The following KLHL7 variants were observed in gnomAD, a reference collection of about 807,000 sequenced individuals.
The protein encoded by KLHL7 is kelch-like protein 7.
A neutral mutation model predicts 67.4 loss-of-function variants in KLHL7; 44 were observed. The observed-to-expected ratio is 0.65, with a 90% CI of 0.51 to 0.84. The LOEUF (loss-of-function observed/expected upper bound fraction) is 0.84, where lower values mean the gene tolerates loss of function less well. Ranked by LOEUF, KLHL7 falls within the 40% of genes least tolerant of loss-of-function variation. The pLI is 0.00. For synonymous variants in KLHL7, 252 were observed against 243.3 expected, an observed-to-expected ratio of 1.04 and a Z score of -0.33; for missense variants, 362 against 718.1, an observed-to-expected ratio of 0.50 and a Z score of 5.67.
At chr7:23,155,920 G>A in intron 7 of KLHL7, 1 of 328,126 alleles carries the variant, frequency 3.0e-6, no homozygotes, top group South Asian at 2.1e-5. Context: ...AGGCAAATGT[G>A]GGATGACTCT....
chr7:23,149,302 A>G (rs1041598356), intron 6 of KLHL7, among the ~76,000 whole-genome samples: 2 of 151,928 alleles, frequency 1.3e-5, no homozygotes, highest in South Asian at 2.1e-4. Flanking sequence ...CTTGGGGAGG[A>G]AAAAAAAGGC....
At chr7:23,151,947 A>G (rs781152259) in intron 6 of KLHL7, 120 bp from the exon 7 acceptor site, 28 of 904,198 alleles carry the variant, frequency 3.1e-5, no homozygotes, top group Non-Finnish European at 4.3e-5. Context: ...CTCAAATGCT[A>G]TAGAGATATC....
At position 23,174,175 on chromosome 7, in the gene KLHL7, C is replaced by T. The variant is rs202172968; in HGVS notation, c.1638C>T (p.Leu546=). 2.3e-4 allele frequency: 372 copies of T among 1,614,010 alleles called. No homozygotes were observed. The highest frequency in any genetic ancestry group is 2.9e-4 in the Non-Finnish European group (337 of 1,180,012). ...FQGVGRLGHI[L]EYNTETDKWV... ...GTGTTGGTCGATTAGGACACATTCT[C>T]GAATATAATACCGAAACAGACAAAT... Residue 546 remains leucine, a synonymous_variant, in exon 11 of 11, where the codon CTC becomes CTT. Transcript: ENST00000339077.
intron 9 of KLHL7, among the ~76,000 whole-genome samples, chr7:23,170,074 C>T (rs1180924455): frequency 2.0e-5 from 3 of 151,870 alleles, no homozygotes; most frequent in South Asian, 2.1e-4. Flanking sequence ...ATTAGCCGGG[C>T]GTGGTGGCGC....
rs1785277382 is a variant in KLHL7, at chr7:23,175,491, C to A, written c.*1193C>A. On this transcript the variant is annotated 3_prime_UTR_variant, in exon 11 of 11. Coordinates refer to ENST00000339077, the MANE Select transcript of KLHL7 (RefSeq NM_001031710.3). Reference sequence around the variant, plus strand: ...TTTTAGAATTTGTGAACCAGTGTCTCTTAATTTTCAGTTTTCTTTATATAG... The same window carrying A: ...TTTTAGAATTTGTGAACCAGTGTCTATTAATTTTCAGTTTTCTTTATATAG... 1 of 377,102 alleles carries A rather than the reference C, an allele frequency of 2.7e-6. No individual in the cohort carries two copies. The highest frequency in any genetic ancestry group is 2.1e-5 in the African/African-American group (1 of 47,014). The allele number at this position is 377,102 out of a possible 1,614,324, so 23.4% of individuals were successfully genotyped here.
At chr7:23,135,456 A>G (rs1198782752) in intron 4 of KLHL7, among the ~76,000 whole-genome samples, 3 of 152,204 alleles carry the variant, frequency 2.0e-5, no homozygotes, top group Non-Finnish European at 2.9e-5. Context: ...CATTTGGTCT[A>G]TAGTGCAGAT....
At chr7:23,163,017 A>G (rs1687143964) in intron 7 of KLHL7, among the ~76,000 whole-genome samples, 1 of 152,168 alleles carries the variant, frequency 6.6e-6, no homozygotes, top group Admixed American at 6.5e-5. Flanking sequence ...CCTTTTTACT[A>G]CAGTATTTCT....
At chr7:23,111,711 A>G (rs12539331) in intron 1 of KLHL7, among the ~76,000 whole-genome samples, 53,140 of 150,932 alleles carry the variant, frequency 0.35, 9,571 homozygotes, top group Middle Eastern at 0.39. Context: ...AGTCCAAGCT[A>G]CTCAGAAGAC....
intron 1 of KLHL7, 35 bp downstream of exon 1, chr7:23,106,181 G>C (rs757246230): frequency 6.2e-7 from 1 of 1,603,826 alleles, no homozygotes; most frequent in South Asian, 1.1e-5. Flanking sequence ...ACGACGGTGG[G>C]AGGTGGTCCG....
intron 1 of KLHL7, among the ~76,000 whole-genome samples, chr7:23,118,591 A>G (rs1340102457): frequency 6.6e-6 from 1 of 152,228 alleles, no homozygotes; most frequent in Non-Finnish European, 1.5e-5. Context: ...TCACTCTTCC[A>G]CATGTGATGG....
chr7:23,138,484 A>G (rs1220786345), intron 4 of KLHL7, among the ~76,000 whole-genome samples: 1 of 133,192 alleles, frequency 7.5e-6, no homozygotes, highest in Non-Finnish European at 1.5e-5. Context: ...AAAAAAAAAA[A>G]GAAGGTATAA....
At chr7:23,132,682 C>T (rs1783843889) in intron 4 of KLHL7, among the ~76,000 whole-genome samples, 2 of 152,066 alleles carry the variant, frequency 1.3e-5, no homozygotes, top group Non-Finnish European at 1.5e-5. Flanking sequence ...GTTTTGGTTG[C>T]CTCTGCTTGT....
chr7:23,159,307 G>A (rs149943821), intron 7 of KLHL7, among the ~76,000 whole-genome samples: 1 of 151,934 alleles, frequency 6.6e-6, no homozygotes, highest in Non-Finnish European at 1.5e-5. Context: ...GGGACTACAG[G>A]CGTGCATCAC....
intron 7 of KLHL7, among the ~76,000 whole-genome samples, chr7:23,157,605 A>AGAAATATT (rs58236990): frequency 0.92 from 140,519 of 151,926 alleles, 65,170 homozygotes; most frequent in East Asian, 0.99. Context: ...CTTCCAAAAT[A>AGAAATATT]GAGAGTCTCA....
At position 23,175,493 on chromosome 7, in the gene KLHL7, T is replaced by A; in HGVS notation, c.*1195T>A. 1 of 376,602 alleles carries A rather than the reference T, an allele frequency of 2.7e-6. No individual in the cohort carries two copies. The highest frequency in any genetic ancestry group is 3.7e-5 in the Admixed American group (1 of 26,792). 23.3% of individuals were successfully genotyped at this position (376,602 alleles called of 1,614,324 possible). Reference sequence around the variant, plus strand: ...TTAGAATTTGTGAACCAGTGTCTCTTAATTTTCAGTTTTCTTTATATAGAG... The same window carrying A: ...TTAGAATTTGTGAACCAGTGTCTCTAAATTTTCAGTTTTCTTTATATAGAG... On this transcript the variant is annotated 3_prime_UTR_variant, in exon 11 of 11. Transcript: ENST00000339077.
At chr7:23,132,504 A>AT (rs1037633979) in intron 4 of KLHL7, among the ~76,000 whole-genome samples, 1 of 151,804 alleles carries the variant, frequency 6.6e-6, no homozygotes, top group African/African-American at 2.4e-5. Context: ...GCTTTATTAG[A>AT]TTTTTTTCTT....
intron 1 of KLHL7, among the ~76,000 whole-genome samples, chr7:23,115,935 A>G (rs560518246): frequency 4.6e-5 from 7 of 151,932 alleles, no homozygotes; most frequent in Non-Finnish European, 8.8e-5. Context: ...TTTTTTCCCT[A>G]TTATCCATCC....
chr7:23,155,988 CA>C, intron 7 of KLHL7: 1 of 460,248 alleles, frequency 2.2e-6, no homozygotes, highest in Non-Finnish European at 4.5e-6. Flanking sequence ...TTTTATTGGA[CA>C]GTTGAAAAGA....
At chr7:23,167,696 TTTG>T (rs1389972524) in intron 8 of KLHL7, 137 bp from the exon 9 acceptor site, 3 of 715,326 alleles carry the variant, frequency 4.2e-6, no homozygotes, top group African/African-American at 1.8e-5. Flanking sequence ...ATTCCTACAC[TTTG>T]TTGTTGTTGA....
Sources: gnomAD v4.1 joint callset for allele counts (sites outside exome capture counted in the v4.1 genomes callset) on GRCh38, gnomAD v4.1.1 for gene constraint, MANE v1.5 for transcripts, NCBI Gene and HGNC (gene_info 2026-07-23, HGNC 2026-07-21) for gene names.